Variants in PCDH15 observed in about 807,000 individuals in gnomAD.
PCDH15 encodes the protein protocadherin related 15, also known as protocadherin-15.
PCDH15 carries 129 observed loss-of-function variants against 178.5 expected under a neutral mutation model. The ratio of observed to expected loss-of-function variants is 0.72; its 90% CI spans 0.63 to 0.84. The LOEUF (loss-of-function observed/expected upper bound fraction) is 0.84. Among genes scored for constraint, PCDH15 ranks in the 40% least tolerant of loss-of-function variants. The pLI, the probability that PCDH15 is intolerant of heterozygous loss-of-function variation, is 0.00. For synonymous variants in PCDH15, 800 were observed against 732.0 expected, an observed-to-expected ratio of 1.09 and a Z score of -1.50; for missense variants, 2,230 against 2,099.9, an observed-to-expected ratio of 1.06 and a Z score of -1.21.
At chr10:55,287,799 T>C (rs1215998841) in intron 1 of PCDH15, among the ~76,000 whole-genome samples, 1 of 151,950 alleles carries the variant, frequency 6.6e-6, no homozygotes, top group Non-Finnish European at 1.5e-5. Context: ...CGTTAGGACA[T>C]GCAAGAAAAG....
At chr10:55,110,835 A>G (rs1396676598) in intron 2 of PCDH15, among the ~76,000 whole-genome samples, 2 of 152,126 alleles carry the variant, frequency 1.3e-5, no homozygotes, top group African/African-American at 4.8e-5. Context: ...GAAAAAACAA[A>G]CAAAATATTG....
chr10:54,390,001 A>G (rs1351970512), intron 3 of PCDH15, among the ~76,000 whole-genome samples: 4 of 152,086 alleles, frequency 2.6e-5, no homozygotes, highest in Non-Finnish European at 4.4e-5. Context: ...GAAATTTGAG[A>G]ACCTTGTTTT....
intron 13 of PCDH15, among the ~76,000 whole-genome samples, chr10:54,172,527 A>G (rs2047024022): frequency 6.6e-6 from 1 of 152,210 alleles, no homozygotes; most frequent in Admixed American, 6.5e-5. Context: ...CTACCAGTGA[A>G]AGCTGAAAAG....
chr10:54,160,766 A>G (rs2045626186), intron 13 of PCDH15, among the ~76,000 whole-genome samples: 1 of 152,210 alleles, frequency 6.6e-6, no homozygotes, highest in Admixed American at 6.5e-5. Flanking sequence ...ATATTTCACC[A>G]AAGAAGATCA....
chr10:54,293,705 A>G (rs906181251), intron 8 of PCDH15, among the ~76,000 whole-genome samples: 1 of 152,222 alleles, frequency 6.6e-6, no homozygotes, highest in African/African-American at 2.4e-5. Context: ...CAGCCAACAG[A>G]CACATGAAAA....
chr10:54,100,086 G>A (rs1230166665), intron 15 of PCDH15, among the ~76,000 whole-genome samples: 1 of 152,148 alleles, frequency 6.6e-6, no homozygotes, highest in Admixed American at 6.5e-5. Flanking sequence ...ATTGCTCAGT[G>A]GTCGGGCATG....
At position 55,142,423 on chromosome 10, in the gene PCDH15, TA is replaced by T. The variant is rs1838379385; in HGVS notation, c.-80+24152del. The stretch of plus-strand genomic sequence containing the variant: ...GTTAATATGGATGTAGATTCAGATA[TA>T]GCTATAAATGGATAAATAGATGGAC... On this transcript the variant is annotated intron_variant, in intron 2 of 5. Transcript: ENST00000458638. Among the ~76,000 whole-genome samples, 3 of 151,570 alleles carry T rather than the reference TA, an allele frequency of 2.0e-5. 1 individual carries two copies. In the South Asian group the frequency reaches 6.3e-4, roughly 32 times the overall value.
chr10:55,410,871 T>G (rs1838314952), intron 2 of PCDH15, among the ~76,000 whole-genome samples: 1 of 152,106 alleles, frequency 6.6e-6, no homozygotes, highest in Non-Finnish European at 1.5e-5. Flanking sequence ...GGGCTATTAC[T>G]AGACATGTAC....
chr10:55,402,412 A>G (rs1383769353), intron 2 of PCDH15, among the ~76,000 whole-genome samples: 1 of 151,998 alleles, frequency 6.6e-6, no homozygotes, highest in Non-Finnish European at 1.5e-5. Flanking sequence ...AACATACAAT[A>G]TGTTGTTTTC....
intron 25 of PCDH15, among the ~76,000 whole-genome samples, chr10:53,918,399 A>C (rs2083707321): frequency 6.6e-6 from 1 of 152,182 alleles, no homozygotes; most frequent in African/African-American, 2.4e-5. Flanking sequence ...CCCTAGTTAA[A>C]ACAAGATTTG....
intron 2 of PCDH15, among the ~76,000 whole-genome samples, chr10:55,123,528 A>G (rs755478261): frequency 5.9e-5 from 9 of 152,164 alleles, no homozygotes; most frequent in Non-Finnish European, 1.3e-4. Flanking sequence ...GACACTACTC[A>G]TGGATGATTT....
intron 8 of PCDH15, among the ~76,000 whole-genome samples, chr10:54,289,167 G>C (rs545428635): frequency 2.1e-3 from 318 of 152,294 alleles, no homozygotes; most frequent in Non-Finnish European, 3.8e-3. Flanking sequence ...AGCTTCCAGA[G>C]GAAGGATCAG....
At chr10:54,825,208 A>C (rs569999162) in intron 3 of PCDH15, among the ~76,000 whole-genome samples, 79 of 151,688 alleles carry the variant, frequency 5.2e-4, no homozygotes, top group African/African-American at 1.8e-3. Flanking sequence ...TGAACTCATC[A>C]TTTTTTATGG....
At chr10:53,925,792 T>C in intron 25 of PCDH15, among the ~76,000 whole-genome samples, 1 of 152,216 alleles carries the variant, frequency 6.6e-6, no homozygotes, top group Admixed American at 6.5e-5. Context: ...TTTTTTTCTT[T>C]GTGCTTATGG....
At chr10:54,630,133 G>A (rs78659031) in intron 2 of PCDH15, among the ~76,000 whole-genome samples, 4,169 of 152,062 alleles carry the variant, frequency 0.027, 172 homozygotes, top group African/African-American at 0.09. Flanking sequence ...TGGATCTACC[G>A]ACTACGTTTT....
intron 2 of PCDH15, among the ~76,000 whole-genome samples, chr10:54,987,016 G>A (rs1234092492): frequency 1.3e-5 from 2 of 151,708 alleles, no homozygotes; most frequent in Non-Finnish European, 2.9e-5. Context: ...CCCTGCACTC[G>A]CCCCCCAGCC....
intron 2 of PCDH15, among the ~76,000 whole-genome samples, chr10:55,569,538 T>G (rs1842366779): frequency 6.6e-6 from 1 of 151,550 alleles, no homozygotes; most frequent in Non-Finnish European, 1.5e-5. Context: ...TTGTATCAAA[T>G]ACTCAGAGAA....
At chr10:54,049,651 C>T (rs189064969) in intron 18 of PCDH15, among the ~76,000 whole-genome samples, 1 of 149,764 alleles carries the variant, frequency 6.7e-6, no homozygotes, top group Non-Finnish European at 1.5e-5. Flanking sequence ...GACGGAGTCT[C>T]GCTCTGTCAC....
intron 17 of PCDH15, among the ~76,000 whole-genome samples, chr10:54,078,513 G>A (rs1481724836): frequency 6.6e-6 from 1 of 151,806 alleles, no homozygotes; most frequent in Admixed American, 6.6e-5. Flanking sequence ...AATTGAGTGA[G>A]CCTTGCTTAT....
Sources: gnomAD v4.1 joint callset for allele counts (sites outside exome capture counted in the v4.1 genomes callset) on GRCh38, gnomAD v4.1.1 for gene constraint, MANE v1.5 for transcripts, NCBI Gene and HGNC (gene_info 2026-07-23, HGNC 2026-07-21) for gene names.